MRAP2: variants seen among roughly 807,000 people sequenced by gnomAD.
MRAP2 encodes the protein melanocortin-2 receptor accessory protein 2.
Under a neutral mutation model 17.4 loss-of-function variants are expected in MRAP2, and 20 were observed. The ratio of observed to expected loss-of-function variants is 1.15; its 90% CI spans 0.81 to 1.67. MRAP2 has a LOEUF of 1.67. Ranked by LOEUF, MRAP2 falls within the 40% of genes most tolerant of loss-of-function variation. MRAP2 has a pLI of 0.00. For missense variants in MRAP2, 238 were observed against 240.0 expected (o/e 0.99, Z 0.05); for synonymous variants, 96 against 88.4 (o/e 1.09, Z -0.48).
chr6:84,120,045 A>G, the MRAP2 span, among the ~76,000 whole-genome samples: 1 of 152,202 alleles, frequency 6.6e-6, no homozygotes, highest in Non-Finnish European at 1.5e-5. Context: ...AATGAAAGCC[A>G]GAGGTGTAGT....
chr6:84,077,009 A>G (rs1008683069), intron 3 of MRAP2, among the ~76,000 whole-genome samples: 3 of 152,192 alleles, frequency 2.0e-5, no homozygotes, highest in African/African-American at 7.2e-5. Flanking sequence ...GGACAAGCCC[A>G]CAGATATAGC....
chr6:84,121,441 C>G, the MRAP2 span, among the ~76,000 whole-genome samples: 1 of 152,126 alleles, frequency 6.6e-6, no homozygotes, highest in Admixed American at 6.5e-5. Flanking sequence ...GTCAGGAGTT[C>G]AAGACCAGCC....
the MRAP2 span, among the ~76,000 whole-genome samples, chr6:84,138,843 A>G: frequency 6.6e-6 from 1 of 152,222 alleles, no homozygotes. Context: ...TTATGTTAAC[A>G]AAGTTTTATG....
intron 2 of MRAP2, chr6:84,061,853 T>C (rs2129167197): frequency 2.0e-6 from 2 of 985,472 alleles, no homozygotes; most frequent in Non-Finnish European, 2.4e-6. Context: ...AAGTGCTTTA[T>C]GTGTGGAATC....
intron 2 of MRAP2, among the ~76,000 whole-genome samples, chr6:84,058,863 T>C (rs551884909): frequency 2.0e-5 from 3 of 152,308 alleles, no homozygotes; most frequent in African/African-American, 4.8e-5. Flanking sequence ...GATTTGACCA[T>C]TGGATTTATA....
At chr6:84,047,428 G>A (rs1181849334) in intron 1 of MRAP2, among the ~76,000 whole-genome samples, 2 of 151,518 alleles carry the variant, frequency 1.3e-5, no homozygotes, top group East Asian at 3.9e-4. Context: ...TGGACTCAAA[G>A]CAATCCACCT....
intron 3 of MRAP2, among the ~76,000 whole-genome samples, chr6:84,083,706 C>A (rs186812361): frequency 6.6e-6 from 1 of 152,060 alleles, no homozygotes; most frequent in Non-Finnish European, 1.5e-5. Flanking sequence ...ACTAAAAACA[C>A]GTGGGTTAGT....
intron 3 of MRAP2, among the ~76,000 whole-genome samples, chr6:84,073,952 A>G (rs1337087796): frequency 1.3e-5 from 2 of 150,948 alleles, no homozygotes; most frequent in South Asian, 2.1e-4. Context: ...GGCCCAAGAC[A>G]ATTATTCTTC....
the MRAP2 span, among the ~76,000 whole-genome samples, chr6:84,100,134 A>C: frequency 6.6e-6 from 1 of 152,344 alleles, no homozygotes; most frequent in Admixed American, 6.5e-5. Context: ...TGCTGGGAAT[A>C]CAGACATGAG....
chr6:84,099,876 T>A, the MRAP2 span, among the ~76,000 whole-genome samples: 1 of 151,946 alleles, frequency 6.6e-6, no homozygotes, highest in Non-Finnish European at 1.5e-5. Flanking sequence ...TTTTTTTTTT[T>A]ATTTGAGACA....
the MRAP2 span, among the ~76,000 whole-genome samples, chr6:84,110,254 G>A: frequency 6.6e-6 from 1 of 152,168 alleles, no homozygotes. Context: ...AGCATCTGTT[G>A]CTTCCTGACT....
At chr6:84,125,463 T>C in the MRAP2 span, among the ~76,000 whole-genome samples, 455 of 152,192 alleles carry the variant, frequency 3.0e-3, 2 homozygotes, top group African/African-American at 1.0e-2. Flanking sequence ...AGGGACTAAA[T>C]GTTTGTGTCC....
chr6:84,103,392 T>C, the MRAP2 span, among the ~76,000 whole-genome samples: 10 of 152,270 alleles, frequency 6.6e-5, no homozygotes, highest in South Asian at 2.1e-3. Flanking sequence ...GCTGGACTGC[T>C]GTGAAGGCTC....
chr6:84,120,323 A>G, the MRAP2 span, among the ~76,000 whole-genome samples: 1 of 152,210 alleles, frequency 6.6e-6, no homozygotes, highest in Admixed American at 6.5e-5. Context: ...ATTCACAGAC[A>G]TACCCAGAAA....
chr6:84,107,869 C>G, the MRAP2 span, among the ~76,000 whole-genome samples: 1 of 152,242 alleles, frequency 6.6e-6, no homozygotes, highest in African/African-American at 2.4e-5. Context: ...GGTACAGTAG[C>G]TGAATTAGAG....
At chr6:84,033,690 T>A (rs2099485120), upstream of MRAP2, 5 of 985,294 alleles carry the variant, frequency 5.1e-6, no homozygotes, top group Non-Finnish European at 6.0e-6. Context: ...GCTCCCGCGC[T>A]GCAGCCCTGC....
Position 84,089,499 on chromosome 6 carries a change from G to T in MRAP2, c.*18G>T. 6.3e-7 allele frequency: 1 copy of T among 1,594,810 alleles called. No homozygotes were observed. The highest frequency in any genetic ancestry group is 8.5e-7 in the Non-Finnish European group (1 of 1,169,814). On this transcript the variant is annotated 3_prime_UTR_variant, in exon 4 of 4. Transcript: ENST00000257776. ...TGGATTGAGAAACATGCTCTGTAAA[G>T]GGTCTTCCTGAAGATGTGGATTCTA...
At chr6:84,043,543 C>T (rs1374870269) in intron 1 of MRAP2, among the ~76,000 whole-genome samples, 6 of 152,054 alleles carry the variant, frequency 3.9e-5, no homozygotes, top group Admixed American at 6.6e-5. Flanking sequence ...AGGGTTCCCC[C>T]GCTGCAGGTT....
the MRAP2 span, among the ~76,000 whole-genome samples, chr6:84,128,579 A>C: frequency 5.3e-5 from 8 of 152,114 alleles, no homozygotes; most frequent in Non-Finnish European, 8.8e-5. Flanking sequence ...TTTCCTTAGC[A>C]TCAATATCTT....
Sources: gnomAD v4.1 joint callset for allele counts (sites outside exome capture counted in the v4.1 genomes callset) on GRCh38, gnomAD v4.1.1 for gene constraint, MANE v1.5 for transcripts, NCBI Gene and HGNC (gene_info 2026-07-23, HGNC 2026-07-21) for gene names.